Variants in ROBO1 observed in about 807,000 individuals in gnomAD.
The protein encoded by ROBO1 is roundabout homolog 1.
Under a neutral mutation model 195.9 loss-of-function variants are expected in ROBO1, and 149 were observed. The ratio of observed to expected loss-of-function variants is 0.76; its 90% CI spans 0.67 to 0.87. The LOEUF (loss-of-function observed/expected upper bound fraction) is 0.87. ROBO1 is among the 40% of genes least tolerant of loss of function. The pLI is 0.00. For synonymous variants in ROBO1, 816 were observed against 733.2 expected (o/e 1.11, Z -1.82); for missense variants, 1,933 against 2,068.3 (o/e 0.93, Z 1.27).
At chr3:78,682,402 A>G (rs2080938704) in intron 10 of ROBO1, among the ~76,000 whole-genome samples, 1 of 150,538 alleles carries the variant, frequency 6.6e-6, no homozygotes, top group African/African-American at 2.4e-5. Flanking sequence ...CATATATCAA[A>G]AAATATATAT....
chr3:79,659,583 G>A (rs953361819), intron 1 of ROBO1, among the ~76,000 whole-genome samples: 23 of 150,822 alleles, frequency 1.5e-4, no homozygotes, highest in East Asian at 5.9e-4. Context: ...GAACAGTTAC[G>A]ATGTATGAAC....
chr3:79,642,304 G>T (rs1360120752), intron 1 of ROBO1, among the ~76,000 whole-genome samples: 1 of 152,010 alleles, frequency 6.6e-6, no homozygotes, highest in Non-Finnish European at 1.5e-5. Context: ...CCAAATATAA[G>T]AATTATTAGT....
At chr3:79,305,037 G>C (rs9832396) in intron 2 of ROBO1, among the ~76,000 whole-genome samples, 1 of 151,868 alleles carries the variant, frequency 6.6e-6, no homozygotes, top group Non-Finnish European at 1.5e-5. Flanking sequence ...TTTTAGTTTT[G>C]GGCATTTTAT....
At chr3:79,245,629 C>T (rs2108893285) in intron 2 of ROBO1, among the ~76,000 whole-genome samples, 1 of 151,760 alleles carries the variant, frequency 6.6e-6, no homozygotes, top group East Asian at 1.9e-4. Flanking sequence ...AGACCCCCAC[C>T]CCACCCCTCA....
At chr3:78,922,046 C>G (rs924553744) in intron 4 of ROBO1, among the ~76,000 whole-genome samples, 1 of 151,984 alleles carries the variant, frequency 6.6e-6, no homozygotes, top group Non-Finnish European at 1.5e-5. Flanking sequence ...CCTCGGCCTC[C>G]CAAAGTGCTG....
At chr3:79,657,880 C>CTGA (rs1476351982) in intron 1 of ROBO1, among the ~76,000 whole-genome samples, 1 of 151,958 alleles carries the variant, frequency 6.6e-6, no homozygotes, top group Non-Finnish European at 1.5e-5. Flanking sequence ...CTATACCCTA[C>CTGA]TGATGGACTT....
chr3:79,119,825 C>T (rs1164938537), intron 3 of ROBO1, among the ~76,000 whole-genome samples: 4 of 151,452 alleles, frequency 2.6e-5, no homozygotes, highest in African/African-American at 4.9e-5. Context: ...GGCTGGAGTG[C>T]AGTGACATGA....
At chr3:79,025,206 T>A (rs937750173) in intron 3 of ROBO1, among the ~76,000 whole-genome samples, 1 of 152,180 alleles carries the variant, frequency 6.6e-6, no homozygotes, top group African/African-American at 2.4e-5. Context: ...CTCACCTTCA[T>A]AAATCTGTGA....
At chr3:78,663,091 T>TA (rs1444737139) in intron 14 of ROBO1, among the ~76,000 whole-genome samples, 1 of 151,908 alleles carries the variant, frequency 6.6e-6, no homozygotes, top group Non-Finnish European at 1.5e-5. Context: ...CCCCATTACA[T>TA]AAAAAAATTA....
chr3:79,726,362 A>T (rs1702926052), intron 1 of ROBO1, among the ~76,000 whole-genome samples: 1 of 152,184 alleles, frequency 6.6e-6, no homozygotes, highest in South Asian at 2.1e-4. Flanking sequence ...GAACCCTTGG[A>T]TCTCCAGATT....
chr3:78,689,066 G>T (rs921945653), intron 8 of ROBO1, among the ~76,000 whole-genome samples: 16 of 152,122 alleles, frequency 1.1e-4, no homozygotes, highest in African/African-American at 3.4e-4. Flanking sequence ...AAATATACCT[G>T]AATTTTTTAT....
intron 3 of ROBO1, among the ~76,000 whole-genome samples, chr3:79,042,256 T>A (rs1452349487): frequency 6.6e-6 from 1 of 152,158 alleles, no homozygotes; most frequent in Non-Finnish European, 1.5e-5. Context: ...AGTCTACACA[T>A]ATACATACAT....
chr3:79,540,433 G>T (rs766461530), intron 2 of ROBO1, among the ~76,000 whole-genome samples: 1 of 151,982 alleles, frequency 6.6e-6, no homozygotes, highest in African/African-American at 2.4e-5. Flanking sequence ...CAGGGTTTTG[G>T]CATTTTCTAA....
intron 2 of ROBO1, among the ~76,000 whole-genome samples, chr3:79,543,777 A>G (rs1252063186): frequency 6.6e-6 from 1 of 152,090 alleles, no homozygotes; most frequent in South Asian, 2.1e-4. Context: ...AGCTCTTACT[A>G]TATTCATTGG....
chr3:79,465,612 T>C (rs1389860371), intron 2 of ROBO1, among the ~76,000 whole-genome samples: 2 of 152,208 alleles, frequency 1.3e-5, no homozygotes, highest in East Asian at 3.8e-4. Flanking sequence ...TATCAGTAGA[T>C]TTTGAGTAAG....
intron 2 of ROBO1, among the ~76,000 whole-genome samples, chr3:79,405,468 C>G (rs1465439774): frequency 1.3e-5 from 2 of 152,186 alleles, no homozygotes; most frequent in Non-Finnish European, 2.9e-5. Flanking sequence ...CAAATCCTAT[C>G]AACTTGTCAT....
intron 28 of ROBO1, among the ~76,000 whole-genome samples, chr3:78,610,558 C>A (rs1317905026): frequency 6.6e-6 from 1 of 152,122 alleles, no homozygotes; most frequent in Non-Finnish European, 1.5e-5. Flanking sequence ...TATCAGGAAG[C>A]TGATGACTGC....
At chr3:78,818,384 TGTGCCTCTGG>T (rs1054720654) in intron 4 of ROBO1, among the ~76,000 whole-genome samples, 1 of 152,182 alleles carries the variant, frequency 6.6e-6, no homozygotes, top group Non-Finnish European at 1.5e-5. Flanking sequence ...ATTCATCCCC[TGTGCCTCTGG>T]GAGGTTGCCC....
At chr3:79,498,555 T>TA (rs1338006177) in intron 2 of ROBO1, among the ~76,000 whole-genome samples, 2 of 152,276 alleles carry the variant, frequency 1.3e-5, no homozygotes, top group East Asian at 3.9e-4. Context: ...ACTAATAGTA[T>TA]AAAAAATATG....
Sources: allele counts gnomAD v4.1 joint callset (sites outside exome capture counted in the v4.1 genomes callset), GRCh38; gene constraint gnomAD v4.1.1; transcripts MANE v1.5; gene names NCBI Gene and HGNC (gene_info 2026-07-23, HGNC 2026-07-21).